Variants in CLHC1 observed in about 807,000 individuals in gnomAD.
CLHC1 encodes the protein clathrin heavy chain linker domain containing 1, also known as clathrin heavy chain linker domain-containing protein 1.
A neutral mutation model predicts 69.5 loss-of-function variants in CLHC1; 72 were observed. The ratio of observed to expected loss-of-function variants is 1.04; its 90% CI spans 0.86 to 1.26. CLHC1 has a LOEUF of 1.26. CLHC1 is among the 50% of genes most tolerant of loss of function. CLHC1 has a pLI of 0.00. For synonymous variants in CLHC1, 223 were observed against 224.3 expected (o/e 0.99, Z 0.05); for missense variants, 790 against 679.3 (o/e 1.16, Z -1.81).
chr2:55,211,379 G>A (rs1672986639), intron 5 of CLHC1, among the ~76,000 whole-genome samples: 1 of 151,796 alleles, frequency 6.6e-6, no homozygotes, highest in Non-Finnish European at 1.5e-5. Flanking sequence ...GCAGGCGCCT[G>A]TAGTCCCAGC....
At chr2:55,206,227 G>T in intron 9 of CLHC1, 43 bp downstream of exon 9, 1 of 1,164,114 alleles carries the variant, frequency 8.6e-7, no homozygotes, top group Non-Finnish European at 1.3e-6. Context: ...AGAAAAAGTA[G>T]TAAATTTTCA....
intron 11 of CLHC1, 30 bp from the exon 12 acceptor site, chr2:55,177,811 A>G (rs749504729): frequency 6.6e-7 from 1 of 1,515,156 alleles, no homozygotes; most frequent in South Asian, 1.2e-5. Context: ...AGTTTATCTC[A>G]ATGTCCTAAT....
At chr2:55,223,039 C>A (rs930561362) in intron 2 of CLHC1, among the ~76,000 whole-genome samples, 1 of 151,918 alleles carries the variant, frequency 6.6e-6, no homozygotes, top group Non-Finnish European at 1.5e-5. Flanking sequence ...ATGCACAACT[C>A]CTCTCACATG....
At chr2:55,207,180 G>T (rs992371520) in intron 8 of CLHC1, among the ~76,000 whole-genome samples, 7 of 151,990 alleles carry the variant, frequency 4.6e-5, no homozygotes, top group Non-Finnish European at 1.0e-4. Context: ...AGAAGCCTAT[G>T]TTGTTCTGCC....
In CLHC1 at chr2:55,180,539, T is replaced by TA. The variant is rs773417844; in HGVS notation, c.1354dup (p.Tyr452LeufsTer12). 1 of 1,614,080 alleles carries TA rather than the reference T, an allele frequency of 6.2e-7. No homozygotes were observed. The highest frequency in any genetic ancestry group is 8.5e-7 in the Non-Finnish European group (1 of 1,179,930). ...AGTAAAGTCCTTCAACTGCTGTATG[T>TA]ACTCCATGACCCTATGAGTCTGACC... is the stretch of plus-strand genomic sequence containing the variant. On this transcript the variant is annotated frameshift_variant, in exon 11 of 13. Coordinates refer to ENST00000401408, the MANE Select transcript of CLHC1 (RefSeq NM_152385.4). LOFTEE classifies it high-confidence loss of function.
In CLHC1 at chr2:55,217,846, T is replaced by C. The variant is rs761617412; in HGVS notation, c.330A>G (p.Val110=). The C allele has an allele frequency of 4.5e-5, 71 of 1,594,706 alleles. No homozygotes were observed. The South Asian group carries it at 6.2e-4, about 14-fold the overall frequency. The change falls in exon 4 of 13, where the codon GTA becomes GTG. Residue 110 remains valine, a synonymous_variant. Coordinates refer to ENST00000401408, the MANE Select transcript of CLHC1 (RefSeq NM_152385.4). The part of the protein sequence containing the change: ...KGLAAEPTAL[V]YYRKRTIQLE... ...GTTGGATTGTTCTTTTCCTGTAATA[T>C]ACCAAAGCTGTAGGCTCTGCTGCCA...
intron 11 of CLHC1, 60 bp downstream of exon 11, chr2:55,180,450 T>C: frequency 8.1e-7 from 1 of 1,237,014 alleles, no homozygotes; most frequent in Non-Finnish European, 1.2e-6. Context: ...CTATTATGGG[T>C]AATCTTACAA....
intron 9 of CLHC1, among the ~76,000 whole-genome samples, chr2:55,188,120 C>T (rs963738741): frequency 2.0e-5 from 3 of 152,050 alleles, no homozygotes; most frequent in South Asian, 2.1e-4. Context: ...TTGAGACCAG[C>T]CTGGGCAACA....
intron 2 of CLHC1, among the ~76,000 whole-genome samples, chr2:55,223,413 T>A (rs936259813): frequency 1.3e-5 from 2 of 152,134 alleles, no homozygotes; most frequent in Non-Finnish European, 1.5e-5. Context: ...TAAAGAATCA[T>A]GGGCGGCGGC....
intron 11 of CLHC1, among the ~76,000 whole-genome samples, chr2:55,179,761 C>T (rs942863916): frequency 3.3e-5 from 5 of 152,060 alleles, no homozygotes; most frequent in Admixed American, 6.6e-5. Flanking sequence ...CTCAGATTAC[C>T]GTTCAATTGT....
chr2:55,178,323 C>G, intron 11 of CLHC1, among the ~76,000 whole-genome samples: 1 of 152,114 alleles, frequency 6.6e-6, no homozygotes, highest in East Asian at 1.9e-4. Context: ...AAAATGAAAA[C>G]TTTAAGAAGC....
rs527860921 is a variant in CLHC1, at chr2:55,206,356, A to C, written c.920T>G (p.Leu307Arg). ...YIERFNELIS[L>R]GEYEKAACYA... ...ACAAGCTGCCTTTTCATATTCACCAAGTGAGATTAACTCATTAAACCTATA... is the reference window on the plus strand; with the variant it reads ...ACAAGCTGCCTTTTCATATTCACCACGTGAGATTAACTCATTAAACCTATA... Residue 307 changes from leucine to arginine, a missense_variant, in exon 9 of 13, where the codon CTT becomes CGT. Coordinates refer to ENST00000401408, the MANE Select transcript of CLHC1 (RefSeq NM_152385.4). 6.2e-7 allele frequency: 1 copy of C among 1,603,862 alleles called. No homozygotes were observed. The highest frequency in any genetic ancestry group is 2.2e-5 in the East Asian group (1 of 44,752).
chr2:55,181,038 T>C lies in CLHC1; in HGVS notation c.1182-326A>G, dbSNP rs545484240. On this transcript the variant is annotated intron_variant, in intron 10 of 12. Coordinates refer to ENST00000401408, the MANE Select transcript of CLHC1 (RefSeq NM_152385.4). The stretch of plus-strand genomic sequence containing the variant: ...CTCTGTCACCCAGGCTGGAGTGCAG[T>C]GGCGCGATCTCGTCTCACTGAAACC... Among the ~76,000 whole-genome samples, 4 of 152,296 alleles carry C rather than the reference T, an allele frequency of 2.6e-5. No homozygotes were observed. The East Asian group carries it at 7.7e-4, about 29-fold the overall frequency.
At chr2:55,219,536 T>C (rs1328928552) in intron 3 of CLHC1, among the ~76,000 whole-genome samples, 3 of 152,240 alleles carry the variant, frequency 2.0e-5, no homozygotes, top group East Asian at 1.9e-4. Flanking sequence ...GAGCTTTCGA[T>C]TACAATCTCC....
chr2:55,209,747 T>C lies in CLHC1; in HGVS notation c.584A>G (p.Gln195Arg), dbSNP rs373156449. The change falls in exon 6 of 13, where the codon CAA becomes CGA. Residue 195 changes from glutamine to arginine, a missense_variant. Transcript: ENST00000401408. ...HLEDKYAEIK[Q>R]AMLIKYVPAQ... ...TGGCACATATTTTATCAACATAGCT[T>C]GTTTAATTTCTGCATATTTATCTTC... The C allele has an allele frequency of 1.2e-6, 2 of 1,612,222 alleles. No homozygotes were observed. The highest frequency in any genetic ancestry group is 1.7e-6 in the Non-Finnish European group (2 of 1,178,586).
intron 9 of CLHC1, among the ~76,000 whole-genome samples, chr2:55,196,141 C>T (rs1671391908): frequency 6.6e-6 from 1 of 152,178 alleles, no homozygotes; most frequent in Admixed American, 6.5e-5. Flanking sequence ...GCACTTAGAC[C>T]AGCCCTAGCC....
chr2:55,177,878 T>C, intron 11 of CLHC1, 97 bp from the exon 12 acceptor site: 1 of 860,796 alleles, frequency 1.2e-6, no homozygotes, highest in South Asian at 2.0e-5. Context: ...CAATCAACAG[T>C]TTTTCTAATC....
chr2:55,203,123 A>G lies in CLHC1; in HGVS notation c.1006+3147T>C, dbSNP rs185509752. Reference sequence around the variant, plus strand: ...ACCAAAGCACTGAAACAGCTCTACAATTAAAACTATAAAACACGGATGAAA... The same window carrying G: ...ACCAAAGCACTGAAACAGCTCTACAGTTAAAACTATAAAACACGGATGAAA... On this transcript the variant is annotated intron_variant, in intron 9 of 12. Coordinates refer to ENST00000401408, the MANE Select transcript of CLHC1 (RefSeq NM_152385.4). Among the ~76,000 whole-genome samples, 392 of 152,314 alleles carry G rather than the reference A, an allele frequency of 2.6e-3. 2 individuals carry two copies. The highest frequency in any genetic ancestry group is 9.1e-3 in the African/African-American group (379 of 41,572).
chr2:55,195,947 AAGAC>A (rs1458958040), intron 9 of CLHC1, among the ~76,000 whole-genome samples: 1 of 152,230 alleles, frequency 6.6e-6, no homozygotes, highest in Non-Finnish European at 1.5e-5. Flanking sequence ...AGAGGGTAGA[AAGAC>A]AGTATTGAAT....
Sources: allele counts gnomAD v4.1 joint callset (sites outside exome capture counted in the v4.1 genomes callset), GRCh38; gene constraint gnomAD v4.1.1; transcripts MANE v1.5; gene names NCBI Gene and HGNC (gene_info 2026-07-23, HGNC 2026-07-21).